The following ENPEP variants were observed in gnomAD, a reference collection of about 807,000 sequenced individuals.
ENPEP encodes the protein glutamyl aminopeptidase.
Under a neutral mutation model 114.5 loss-of-function variants are expected in ENPEP, and 103 were observed. That is an observed-to-expected ratio of 0.90 (90% CI 0.77 to 1.06). The LOEUF (loss-of-function observed/expected upper bound fraction) is 1.06, where lower values mean the gene tolerates loss of function less well. ENPEP is among the 50% of genes least tolerant of loss of function. ENPEP has a pLI of 0.00. For missense variants in ENPEP, 1,196 were observed against 1,161.3 expected, an observed-to-expected ratio of 1.03 and a Z score of -0.43; for synonymous variants, 420 against 422.0, an observed-to-expected ratio of 1.00 and a Z score of 0.06.
At chr4:110,553,849 T>C (rs909926694) in intron 18 of ENPEP, among the ~76,000 whole-genome samples, 4 of 152,052 alleles carry the variant, frequency 2.6e-5, no homozygotes, top group Admixed American at 1.3e-4. Flanking sequence ...ATTAGAGTTC[T>C]ATATCATACT....
intron 11 of ENPEP, among the ~76,000 whole-genome samples, chr4:110,541,666 A>C (rs1241607296): frequency 6.6e-6 from 1 of 152,120 alleles, no homozygotes; most frequent in Non-Finnish European, 1.5e-5. Flanking sequence ...CCCTCTCATA[A>C]GATGGATTCT....
At chr4:110,517,730 T>C (rs1725833867) in intron 8 of ENPEP, among the ~76,000 whole-genome samples, 1 of 152,204 alleles carries the variant, frequency 6.6e-6, no homozygotes, top group Admixed American at 6.5e-5. Flanking sequence ...CTATGAAGAA[T>C]AGATATTAAT....
At chr4:110,479,820 C>T (rs1433977886) in intron 1 of ENPEP, among the ~76,000 whole-genome samples, 2 of 151,874 alleles carry the variant, frequency 1.3e-5, no homozygotes, top group Non-Finnish European at 2.9e-5. Flanking sequence ...TGAATAAAAC[C>T]ATCAAAATAT....
intron 10 of ENPEP, among the ~76,000 whole-genome samples, chr4:110,528,386 A>G (rs765432530): frequency 7.2e-5 from 11 of 152,194 alleles, no homozygotes; most frequent in Non-Finnish European, 1.6e-4. Flanking sequence ...GCCTTCATGC[A>G]CCCATAAAGG....
At chr4:110,532,631 G>A (rs994561757) in intron 11 of ENPEP, among the ~76,000 whole-genome samples, 1 of 151,794 alleles carries the variant, frequency 6.6e-6, no homozygotes, top group South Asian at 2.1e-4. Context: ...AAAAAAAAAC[G>A]TTTATTGTTA....
chr4:110,562,825 T>G lies in ENPEP; in HGVS notation c.*1267T>G, dbSNP rs1175311013. 1 of 152,170 alleles carries G rather than the reference T, an allele frequency of 6.6e-6. No homozygotes were observed. The highest frequency in any genetic ancestry group is 1.5e-5 in the Non-Finnish European group (1 of 67,996). The allele number at this position is 152,170 out of a possible 1,614,324, so 9.4% of individuals were successfully genotyped here. On this transcript the variant is annotated 3_prime_UTR_variant, in exon 20 of 20. Transcript: ENST00000265162. ...TATATCTAGAAAATCTAAATTTATTTGGAACTTTCAAAAATGTAAGGTAAT... is the reference window on the plus strand; with the variant it reads ...TATATCTAGAAAATCTAAATTTATTGGGAACTTTCAAAAATGTAAGGTAAT...
chr4:110,528,701 T>G (rs1165387338), intron 10 of ENPEP, among the ~76,000 whole-genome samples: 1 of 152,204 alleles, frequency 6.6e-6, no homozygotes, highest in African/African-American at 2.4e-5. Flanking sequence ...GTGCCTTTGA[T>G]AGTCCACTCC....
At chr4:110,515,546 T>G in intron 8 of ENPEP, 104 bp downstream of exon 8, 1 of 945,816 alleles carries the variant, frequency 1.1e-6, no homozygotes, top group Admixed American at 2.4e-5. Flanking sequence ...CTTTTTAATC[T>G]CTTTACTGAG....
chr4:110,539,706 C>A (rs1434947562), intron 11 of ENPEP, among the ~76,000 whole-genome samples: 1 of 152,032 alleles, frequency 6.6e-6, no homozygotes. Context: ...CTTTTACTAT[C>A]AAATGATACA....
chr4:110,479,517 A>G (rs1724233668), intron 1 of ENPEP, among the ~76,000 whole-genome samples: 1 of 152,180 alleles, frequency 6.6e-6, no homozygotes, highest in Non-Finnish European at 1.5e-5. Context: ...TATATGCATG[A>G]ACATGTGTAT....
At chr4:110,495,764 C>T (rs1328418970) in intron 3 of ENPEP, among the ~76,000 whole-genome samples, 2 of 151,996 alleles carry the variant, frequency 1.3e-5, no homozygotes, top group Non-Finnish European at 2.9e-5. Context: ...ATAAATGGCA[C>T]GAGTGATTTC....
At chr4:110,533,077 T>C in intron 11 of ENPEP, 1 of 452,426 alleles carries the variant, frequency 2.2e-6, no homozygotes, top group Middle Eastern at 3.3e-4. Flanking sequence ...TCCCCATTGG[T>C]CACCATAGTT....
At chr4:110,490,988 G>T in intron 2 of ENPEP, 45 bp from the exon 3 acceptor site, 1 of 1,582,290 alleles carries the variant, frequency 6.3e-7, no homozygotes, top group South Asian at 1.2e-5. Context: ...GCATATATAT[G>T]ATTGATATTT....
chr4:110,542,979 A>G (rs1484614673), intron 12 of ENPEP, 36 bp from the exon 13 acceptor site: 2 of 1,611,644 alleles, frequency 1.2e-6, no homozygotes, highest in East Asian at 2.2e-5. Flanking sequence ...TTGCCTTAAG[A>G]ATTGTGTTTT....
intron 1 of ENPEP, among the ~76,000 whole-genome samples, chr4:110,485,174 A>G (rs188042802): frequency 4.8e-4 from 73 of 152,316 alleles, no homozygotes; most frequent in Non-Finnish European, 6.8e-4. Context: ...ATATACTTGC[A>G]ATTAACTACA....
intron 11 of ENPEP, among the ~76,000 whole-genome samples, chr4:110,538,439 C>G (rs1263598751): frequency 1.3e-5 from 2 of 152,206 alleles, no homozygotes; most frequent in African/African-American, 4.8e-5. Context: ...TCACCTCTCT[C>G]AGGCTTCACA....
intron 11 of ENPEP, among the ~76,000 whole-genome samples, chr4:110,537,587 C>T (rs1314312069): frequency 6.6e-6 from 1 of 152,182 alleles, no homozygotes; most frequent in Non-Finnish European, 1.5e-5. Flanking sequence ...CTGACGGTTG[C>T]AATCAATTTC....
At chr4:110,538,006 G>C (rs1229688868) in intron 11 of ENPEP, among the ~76,000 whole-genome samples, 1 of 152,146 alleles carries the variant, frequency 6.6e-6, no homozygotes, top group Non-Finnish European at 1.5e-5. Context: ...CGTCACCCAG[G>C]CTTTGTTGTT....
chr4:110,552,193 C>T (rs1300147875), intron 17 of ENPEP, among the ~76,000 whole-genome samples: 2 of 152,134 alleles, frequency 1.3e-5, no homozygotes, highest in East Asian at 1.9e-4. Flanking sequence ...TTCACCTCAC[C>T]TTGCCTACGA....
Sources: gnomAD v4.1 joint callset for allele counts (sites outside exome capture counted in the v4.1 genomes callset) on GRCh38, gnomAD v4.1.1 for gene constraint, MANE v1.5 for transcripts, NCBI Gene and HGNC (gene_info 2026-07-23, HGNC 2026-07-21) for gene names.